Variants in RPTOR observed in about 807,000 individuals in gnomAD.
The protein encoded by RPTOR is regulatory associated protein of MTOR complex 1.
Under a neutral mutation model 169.9 loss-of-function variants are expected in RPTOR, and 21 were observed. That is an observed-to-expected ratio of 0.12 (90% confidence interval 0.09 to 0.18). The LOEUF (loss-of-function observed/expected upper bound fraction) is 0.18, where lower values mean the gene tolerates loss of function less well. Ranked by LOEUF, RPTOR falls within the 10% of genes least tolerant of loss-of-function variation. The pLI, the probability that RPTOR is intolerant of heterozygous loss-of-function variation, is 1.00. For synonymous variants in RPTOR, 732 were observed against 753.2 expected, an observed-to-expected ratio of 0.97 and a Z score of 0.46; for missense variants, 1,133 against 1,855.9, an observed-to-expected ratio of 0.61 and a Z score of 7.16.
chr17:80,684,667 G>A lies in RPTOR; in HGVS notation c.349-23174G>A, dbSNP rs183073332. 1.9e-4 allele frequency among the ~76,000 whole-genome samples: 29 copies of A among 152,138 alleles called. 1 individual carries two copies. In the East Asian group the frequency reaches 5.0e-3, roughly 26 times the overall value. On this transcript the variant is annotated intron_variant, in intron 3 of 33. Coordinates refer to ENST00000306801, the MANE Select transcript of RPTOR (RefSeq NM_020761.3). ...TCACCGTGTTAGCCAGGATGGTCTC[G>A]ATCTCCTGACCTCGTGATCCACCCA...
At chr17:80,723,140 C>T (rs1054127852) in intron 4 of RPTOR, among the ~76,000 whole-genome samples, 3 of 151,338 alleles carry the variant, frequency 2.0e-5, no homozygotes, top group Non-Finnish European at 4.4e-5. Flanking sequence ...ATTCTTATTA[C>T]TGCAGATACC....
At chr17:80,667,957 A>G (rs2065793169) in intron 3 of RPTOR, among the ~76,000 whole-genome samples, 1 of 152,210 alleles carries the variant, frequency 6.6e-6, no homozygotes, top group South Asian at 2.1e-4. Context: ...AGCAACAAAA[A>G]TGCCGTGGGC....
intron 7 of RPTOR, among the ~76,000 whole-genome samples, chr17:80,791,912 C>T (rs35292957): frequency 4.6e-5 from 7 of 151,908 alleles, no homozygotes; most frequent in Middle Eastern, 3.2e-3. Context: ...TCCCCTCCCC[C>T]CCTGTCGCCA....
chr17:80,737,672 C>G (rs900279582), intron 5 of RPTOR, among the ~76,000 whole-genome samples: 1 of 152,180 alleles, frequency 6.6e-6, no homozygotes, highest in Non-Finnish European at 1.5e-5. Flanking sequence ...GTACCTTATA[C>G]TTTATTTATA....
At chr17:80,563,806 C>T (rs899773899) in intron 1 of RPTOR, among the ~76,000 whole-genome samples, 1 of 152,130 alleles carries the variant, frequency 6.6e-6, no homozygotes, top group African/African-American at 2.4e-5. Context: ...ACAGCCCCGC[C>T]TTGAAGATCC....
intron 17 of RPTOR, among the ~76,000 whole-genome samples, chr17:80,891,463 C>A (rs573734204): frequency 2.0e-5 from 3 of 152,198 alleles, no homozygotes. Context: ...ATGCGTCGTG[C>A]GCCTCTAGCA....
chr17:80,660,871 A>C (rs1598200045), intron 3 of RPTOR, among the ~76,000 whole-genome samples: 5 of 106,630 alleles, frequency 4.7e-5, no homozygotes, highest in South Asian at 3.1e-4. Context: ...CCCCCATACC[A>C]CCCCAAGTCA....
Position 80,708,060 on chromosome 17 carries a change from C to A in RPTOR, c.507+61C>A. The A allele has an allele frequency of 6.6e-7, 1 of 1,524,942 alleles. No homozygotes were observed. The highest frequency in any genetic ancestry group is 8.9e-7 in the Non-Finnish European group (1 of 1,119,346). The allele number at this position is 1,524,942 out of a possible 1,614,324, so 94.5% of individuals were successfully genotyped here. A position where few individuals can be genotyped will look rare whatever the true frequency, so the allele number is the denominator to read the frequency against. ...CAAAAGCCATGCCAATTGCGGTGGT[C>A]GGAGCAGGTCCTGCCCATCCGTAGC... On this transcript the variant is annotated intron_variant, in intron 4 of 33. Coordinates refer to ENST00000306801, the MANE Select transcript of RPTOR (RefSeq NM_020761.3). The surrounding 1 kb of genome is among the most constrained non-coding windows in gnomAD (Gnocchi z 4.2).
At chr17:80,732,677 CA>C (rs2143213399) in intron 5 of RPTOR, among the ~76,000 whole-genome samples, 1 of 152,290 alleles carries the variant, frequency 6.6e-6, no homozygotes, top group East Asian at 1.9e-4. Context: ...GTTTCTATTA[CA>C]CTTACTATTA....
intron 31 of RPTOR, 98 bp from the exon 32 acceptor site, chr17:80,962,363 C>T: frequency 1.1e-6 from 1 of 924,036 alleles, no homozygotes; most frequent in East Asian, 2.4e-5. Flanking sequence ...TGTGTGCAAA[C>T]AGGTGTGCGA....
intron 1 of RPTOR, among the ~76,000 whole-genome samples, chr17:80,570,563 C>T (rs186611227): frequency 7.9e-5 from 12 of 152,180 alleles, no homozygotes; most frequent in South Asian, 2.1e-4. Context: ...TGGGTTTAAG[C>T]GATTCTCCTG....
chr17:80,866,305 T>C (rs2067989980), intron 13 of RPTOR, among the ~76,000 whole-genome samples: 1 of 151,986 alleles, frequency 6.6e-6, no homozygotes, highest in Admixed American at 6.5e-5. Flanking sequence ...TGAACAGTGC[T>C]GAGAGGGGAG....
At chr17:80,810,139 G>C (rs1399286129) in intron 7 of RPTOR, among the ~76,000 whole-genome samples, 2 of 151,988 alleles carry the variant, frequency 1.3e-5, no homozygotes, top group African/African-American at 2.4e-5. Context: ...GATGAAGTCC[G>C]ATTTCATCAT....
chr17:80,750,459 C>T (rs772913770), intron 5 of RPTOR, among the ~76,000 whole-genome samples: 1 of 152,202 alleles, frequency 6.6e-6, no homozygotes, highest in Non-Finnish European at 1.5e-5. Flanking sequence ...CAGATGCCTC[C>T]CTCCCAGCCC....
intron 8 of RPTOR, 109 bp from the exon 9 acceptor site, chr17:80,822,970 T>C: frequency 8.2e-7 from 1 of 1,221,458 alleles, no homozygotes; most frequent in Non-Finnish European, 1.2e-6. Context: ...GAGATATGCA[T>C]ATTAGTCCCA....
At chr17:80,885,955 G>A (rs1174283884) in intron 17 of RPTOR, among the ~76,000 whole-genome samples, 2 of 152,260 alleles carry the variant, frequency 1.3e-5, no homozygotes, top group African/African-American at 4.8e-5. Flanking sequence ...CGCAAAAGGG[G>A]CGTTTAGGAA....
intron 3 of RPTOR, among the ~76,000 whole-genome samples, chr17:80,689,176 GT>G (rs1271418711): frequency 1.3e-4 from 20 of 152,374 alleles, no homozygotes; most frequent in African/African-American, 4.8e-4. Flanking sequence ...TATGAAGTCA[GT>G]AAATCCTTTC....
At chr17:80,729,579 T>C (rs994758038) in intron 4 of RPTOR, among the ~76,000 whole-genome samples, 17 of 152,226 alleles carry the variant, frequency 1.1e-4, no homozygotes, top group African/African-American at 4.1e-4. Flanking sequence ...TATTGTTCTG[T>C]GACTGAAATA....
rs1217887129 is a variant in RPTOR at position 80,803,197 on chromosome 17, G to A, written c.890+11688G>A. 2.0e-5 allele frequency: 3 copies of A among 152,246 alleles called. No individual in the cohort carries two copies. Among genetic ancestry groups the A allele is most frequent in the Admixed American group, 6.5e-5 (1 of 15,288 alleles). The allele number at this position is 152,246 out of a possible 1,614,324, so 9.4% of individuals were successfully genotyped here. On this transcript the variant is annotated intron_variant, in intron 7 of 33. Coordinates refer to ENST00000306801, the MANE Select transcript of RPTOR (RefSeq NM_020761.3). The surrounding 1 kb of genome is among the most constrained non-coding windows in gnomAD (Gnocchi z 6.2). ...TGTGGCGTGAGGCGCCAGCATAACC[G>A]GGGACCCCGGGTGTGTGGTGGCTTT...
Sources: allele counts gnomAD v4.1 joint callset (sites outside exome capture counted in the v4.1 genomes callset), GRCh38; gene constraint gnomAD v4.1.1; non-coding constraint Gnocchi (gnomAD v3.1); transcripts MANE v1.5; gene names NCBI Gene and HGNC (gene_info 2026-07-23, HGNC 2026-07-21).